Variants in MMP16 observed in about 807,000 individuals in gnomAD.
MMP16 encodes matrix metallopeptidase 16.
Under a neutral mutation model 67.8 loss-of-function variants are expected in MMP16, and 12 were observed. The observed-to-expected ratio is 0.18, with a 90% CI of 0.11 to 0.29. The LOEUF (loss-of-function observed/expected upper bound fraction) is 0.29, where lower values mean the gene tolerates loss of function less well. Ranked by LOEUF, MMP16 falls within the 10% of genes least tolerant of loss-of-function variation. The probability of loss-of-function intolerance (pLI) is 1.00; values close to 1 mark genes in which losing one functional copy is unlikely to be tolerated. For synonymous variants in MMP16, 249 were observed against 255.9 expected, an observed-to-expected ratio of 0.97 and a Z score of 0.26; for missense variants, 475 against 765.7, an observed-to-expected ratio of 0.62 and a Z score of 4.48.
At chr8:88,274,739 G>C (rs537248652) in intron 1 of MMP16, among the ~76,000 whole-genome samples, 2 of 151,880 alleles carry the variant, frequency 1.3e-5, no homozygotes, top group South Asian at 4.2e-4. Context: ...TTTAAGAAAG[G>C]AAAACAATTA....
chr8:88,288,751 A>G (rs1267210065), intron 1 of MMP16, among the ~76,000 whole-genome samples: 1 of 152,194 alleles, frequency 6.6e-6, no homozygotes, highest in African/African-American at 2.4e-5. Flanking sequence ...TTGTGTATCA[A>G]GATTTGATTT....
intron 3 of MMP16, among the ~76,000 whole-genome samples, chr8:88,185,451 A>C (rs1809058622): frequency 6.6e-6 from 1 of 152,142 alleles, no homozygotes. Flanking sequence ...GGAAAGAAAA[A>C]AAAACGTCGC....
rs183437610 is a variant in MMP16 at position 88,100,353 on chromosome 8, G to A, written c.1083+16154C>T. Among the ~76,000 whole-genome samples, 1,204 of 152,126 alleles carry A rather than the reference G, an allele frequency of 7.9e-3. 15 individuals carry two copies. The highest frequency in any genetic ancestry group is 0.028 in the African/African-American group (1,150 of 41,544). ...ATGACTCTCAAAAGAACACACCTATGCAGCCAACAGACACATGAAAAAATG... is the reference window on the plus strand; with the variant it reads ...ATGACTCTCAAAAGAACACACCTATACAGCCAACAGACACATGAAAAAATG... On this transcript the variant is annotated intron_variant, in intron 6 of 9. Transcript: ENST00000286614.
intron 4 of MMP16, among the ~76,000 whole-genome samples, chr8:88,161,541 C>T (rs1304697854): frequency 6.6e-6 from 1 of 152,044 alleles, no homozygotes; most frequent in African/African-American, 2.4e-5. Flanking sequence ...TTTTTTGTGT[C>T]TCTATTTCCT....
intron 1 of MMP16, among the ~76,000 whole-genome samples, chr8:88,206,153 A>G (rs1298581512): frequency 6.6e-6 from 1 of 152,036 alleles, no homozygotes; most frequent in Non-Finnish European, 1.5e-5. Context: ...AAAATATATA[A>G]TCTAAATTTA....
intron 4 of MMP16, among the ~76,000 whole-genome samples, chr8:88,157,872 C>T (rs1412144572): frequency 6.9e-6 from 1 of 144,698 alleles, no homozygotes; most frequent in Non-Finnish European, 1.5e-5. Context: ...CTTCCTGTGT[C>T]CAAGTGTTCT....
chr8:88,047,308 G>A (rs1457616230), intron 8 of MMP16, among the ~76,000 whole-genome samples: 1 of 152,094 alleles, frequency 6.6e-6, no homozygotes, highest in African/African-American at 2.4e-5. Context: ...ATACAACGTT[G>A]GACAACACAG....
intron 3 of MMP16, among the ~76,000 whole-genome samples, chr8:88,184,187 A>T (rs1809029949): frequency 6.6e-6 from 1 of 152,136 alleles, no homozygotes; most frequent in Non-Finnish European, 1.5e-5. Flanking sequence ...GAAGTTCAAC[A>T]TCTCTCTACT....
intron 5 of MMP16, among the ~76,000 whole-genome samples, chr8:88,117,875 C>T (rs896787175): frequency 5.9e-5 from 9 of 151,946 alleles, no homozygotes; most frequent in African/African-American, 2.2e-4. Context: ...GTCTTTGTAT[C>T]ATAAAAACAA....
chr8:88,121,643 C>A (rs1807832605), intron 4 of MMP16, among the ~76,000 whole-genome samples: 1 of 152,086 alleles, frequency 6.6e-6, no homozygotes. Context: ...AAGCAGGCAA[C>A]AAAGGAGAAA....
chr8:88,154,732 GGGGA>G (rs1808477730), intron 4 of MMP16, among the ~76,000 whole-genome samples: 2 of 147,810 alleles, frequency 1.4e-5, no homozygotes, highest in African/African-American at 5.0e-5. Context: ...TGGGGGGAGC[GGGGA>G]GGGATAGCAT....
intron 1 of MMP16, among the ~76,000 whole-genome samples, chr8:88,231,527 T>G (rs1405983478): frequency 6.6e-6 from 1 of 152,180 alleles, no homozygotes; most frequent in African/African-American, 2.4e-5. Context: ...AGTCCAGCAG[T>G]GGCAGAAAGC....
At position 88,036,159 on chromosome 8, in the gene MMP16, C is replaced by A. The variant is rs961792205; in HGVS notation, c.*5302G>T. The A allele has an allele frequency of 1.3e-5, 2 of 151,924 alleles. No individual in the cohort carries two copies. Among genetic ancestry groups the A allele is most frequent in the Non-Finnish European group, 2.9e-5 (2 of 67,846 alleles). 9.4% of individuals were successfully genotyped at this position (151,924 alleles called of 1,614,324 possible). A position where few individuals can be genotyped will look rare whatever the true frequency, so the allele number is the denominator to read the frequency against. ...GAGGTTACTGAACACCTACCTCTTA[C>A]ATTTTTAGCCTGTAAGGCAATGCAT... is the stretch of plus-strand genomic sequence containing the variant. On this transcript the variant is annotated 3_prime_UTR_variant, in exon 10 of 10. Transcript: ENST00000286614.
intron 6 of MMP16, among the ~76,000 whole-genome samples, chr8:88,109,695 G>T (rs1476029079): frequency 6.6e-6 from 1 of 151,092 alleles, no homozygotes; most frequent in Non-Finnish European, 1.5e-5. Context: ...ACGAAACTTT[G>T]CTTATTTATC....
chr8:88,298,848 C>T lies in MMP16; in HGVS notation c.132+28227G>A, dbSNP rs1301250140. Among the ~76,000 whole-genome samples the T allele has an allele frequency of 2.6e-5, 4 of 151,808 alleles. 1 individual carries two copies. Among genetic ancestry groups the T allele is most frequent in the East Asian group, 1.9e-4 (1 of 5,176 alleles). ...ACACACACATTACATGGTCAGAGTA[C>T]CCAGTTTGAGGAATCAAGTTGAATT... On this transcript the variant is annotated intron_variant, in intron 1 of 9. Transcript: ENST00000286614.
intron 4 of MMP16, among the ~76,000 whole-genome samples, chr8:88,163,304 A>G (rs1808660940): frequency 6.6e-6 from 1 of 152,112 alleles, no homozygotes; most frequent in Non-Finnish European, 1.5e-5. Context: ...GCAGATGTCA[A>G]TCACTTCACA....
intron 8 of MMP16, among the ~76,000 whole-genome samples, 184 bp downstream of exon 8, chr8:88,055,944 G>A (rs1231459023): frequency 1.3e-5 from 2 of 152,160 alleles, no homozygotes; most frequent in Non-Finnish European, 2.9e-5. Context: ...CACATTAGCT[G>A]AATATATTAG....
At chr8:88,265,337 T>C (rs1232004115) in intron 1 of MMP16, among the ~76,000 whole-genome samples, 2 of 150,476 alleles carry the variant, frequency 1.3e-5, no homozygotes, top group African/African-American at 4.9e-5. Flanking sequence ...TCTGAATCCA[T>C]TCTGGATTTT....
At chr8:88,129,838 G>GTA (rs1807997566) in intron 4 of MMP16, among the ~76,000 whole-genome samples, 3 of 151,308 alleles carry the variant, frequency 2.0e-5, no homozygotes, top group East Asian at 1.9e-4. Flanking sequence ...AACAAAAATT[G>GTA]TATATATATA....
Sources: gnomAD v4.1 joint callset for allele counts (sites outside exome capture counted in the v4.1 genomes callset) on GRCh38, gnomAD v4.1.1 for gene constraint, MANE v1.5 for transcripts, NCBI Gene and HGNC (gene_info 2026-07-23, HGNC 2026-07-21) for gene names.